GALNT2: variants seen among roughly 807,000 people sequenced by gnomAD.
GALNT2 encodes the protein polypeptide N-acetylgalactosaminyltransferase 2.
A neutral mutation model predicts 81.4 loss-of-function variants in GALNT2; 31 were observed. The observed-to-expected ratio is 0.38, with a 90% CI of 0.29 to 0.51. The LOEUF is 0.51. Among genes scored for constraint, GALNT2 ranks in the 20% least tolerant of loss-of-function variants. The pLI, the probability that GALNT2 is intolerant of heterozygous loss-of-function variation, is 0.87. For synonymous variants in GALNT2, 303 were observed against 287.4 expected, an observed-to-expected ratio of 1.05 and a Z score of -0.55; for missense variants, 629 against 765.7, an observed-to-expected ratio of 0.82 and a Z score of 2.11.
Position 230,235,011 on chromosome 1 carries a change from C to T in GALNT2, c.375-1003C>T, listed in dbSNP as rs370579397. Among the ~76,000 whole-genome samples, 46 of 151,948 alleles carry T rather than the reference C, an allele frequency of 3.0e-4. No individual in the cohort carries two copies. In the East Asian group the frequency reaches 7.4e-3, roughly 24 times the overall value. ...GGAGGATTGCTTGAAGCCAGGATTT[C>T]GAGACCAGCCTGAGCAACAGAGTGA... On this transcript the variant is annotated intron_variant, in intron 3 of 15. Coordinates refer to ENST00000366672, the MANE Select transcript of GALNT2 (RefSeq NM_004481.5).
intron 3 of GALNT2, among the ~76,000 whole-genome samples, chr1:230,231,234 T>C (rs998877274): frequency 2.6e-5 from 4 of 152,240 alleles, no homozygotes; most frequent in African/African-American, 9.6e-5. Context: ...AAAGTGACCT[T>C]GACAGTTTTC....
At chr1:230,143,648 C>T (rs551452883) in intron 1 of GALNT2, among the ~76,000 whole-genome samples, 20 of 152,352 alleles carry the variant, frequency 1.3e-4, no homozygotes, top group African/African-American at 4.8e-4. Flanking sequence ...TTGCTTTTCA[C>T]ATGGGAAAGT....
chr1:230,170,711 A>G (rs781412226), intron 1 of GALNT2, among the ~76,000 whole-genome samples: 11 of 152,214 alleles, frequency 7.2e-5, no homozygotes, highest in Admixed American at 1.3e-4. Flanking sequence ...GAAACTTTTC[A>G]TCATGGTAGA....
chr1:230,059,986 CAG>C (rs1659006834), intron 1 of GALNT2, among the ~76,000 whole-genome samples: 1 of 152,216 alleles, frequency 6.6e-6, no homozygotes, highest in Admixed American at 6.5e-5. Flanking sequence ...CATGGTATAT[CAG>C]ACTATGCTAT....
At chr1:230,249,459 T>C (rs540310570) in intron 9 of GALNT2, among the ~76,000 whole-genome samples, 188 bp downstream of exon 9, 1 of 152,240 alleles carries the variant, frequency 6.6e-6, no homozygotes, top group Non-Finnish European at 1.5e-5. Flanking sequence ...GGAGATTTCT[T>C]TTCCACAGTT....
chr1:230,118,190 G>C (rs1660904297), intron 1 of GALNT2, among the ~76,000 whole-genome samples: 1 of 152,166 alleles, frequency 6.6e-6, no homozygotes, highest in Admixed American at 6.5e-5. Flanking sequence ...TTTTAGCACT[G>C]AATACTGTTC....
intron 15 of GALNT2, among the ~76,000 whole-genome samples, chr1:230,276,819 C>A (rs185973103): frequency 1.3e-5 from 2 of 152,306 alleles, no homozygotes; most frequent in Non-Finnish European, 2.9e-5. Context: ...GGACCCAAAC[C>A]ACCTAGAAAT....
At chr1:230,229,701 A>G (rs1244597928) in intron 3 of GALNT2, among the ~76,000 whole-genome samples, 2 of 152,194 alleles carry the variant, frequency 1.3e-5, no homozygotes, top group Non-Finnish European at 2.9e-5. Flanking sequence ...CCTCCCTACA[A>G]TGGAAAGCAG....
chr1:230,273,734 G>A (rs554559554), intron 14 of GALNT2, among the ~76,000 whole-genome samples: 16 of 152,276 alleles, frequency 1.1e-4, no homozygotes, highest in Admixed American at 5.2e-4. Flanking sequence ...ACACTCTCTA[G>A]CTCAGTTTTC....
rs964487972 is a variant in GALNT2 at position 230,271,208 on chromosome 1, A to G, written c.1441-3237A>G. Among the ~76,000 whole-genome samples, 54 of 152,200 alleles carry G rather than the reference A, an allele frequency of 3.5e-4. No individual in the cohort carries two copies. Among genetic ancestry groups the G allele is most frequent in the African/African-American group, 1.2e-3 (51 of 41,442 alleles). On this transcript the variant is annotated intron_variant, in intron 14 of 15. Transcript: ENST00000366672. This position sits in a 1 kb window ranked among gnomAD's most constrained non-coding sequence, Gnocchi z 4.2. Reference sequence around the variant, plus strand: ...CCCCTGTGAGTGCAGGGACGGAACAATGTGCTTCTTCCTGGCCCTCTCCAT... The same window carrying G: ...CCCCTGTGAGTGCAGGGACGGAACAGTGTGCTTCTTCCTGGCCCTCTCCAT...
intron 11 of GALNT2, chr1:230,262,294 G>A (rs187489012): frequency 3.9e-4 from 158 of 403,190 alleles, no homozygotes; most frequent in Non-Finnish European, 5.7e-4. Context: ...ATATTGGCTC[G>A]TGCTGTAATT....
intron 1 of GALNT2, among the ~76,000 whole-genome samples, chr1:230,172,428 C>A (rs968872178): frequency 1.3e-5 from 2 of 152,214 alleles, no homozygotes; most frequent in Non-Finnish European, 2.9e-5. Context: ...TGGGCCAGAA[C>A]CATTCAGATT....
chr1:230,159,492 A>G (rs1251493926), intron 1 of GALNT2, among the ~76,000 whole-genome samples: 1 of 152,194 alleles, frequency 6.6e-6, no homozygotes, highest in Non-Finnish European at 1.5e-5. Flanking sequence ...GCTTAAAACT[A>G]AAGTCCGGTT....
intron 3 of GALNT2, among the ~76,000 whole-genome samples, chr1:230,215,241 A>T (rs1284282080): frequency 1.3e-5 from 2 of 152,184 alleles, no homozygotes; most frequent in Admixed American, 1.3e-4. Flanking sequence ...TGGCCTCCAC[A>T]GCTCCACAGC....
At chr1:230,208,917 G>C (rs867805022) in intron 3 of GALNT2, among the ~76,000 whole-genome samples, 5 of 152,056 alleles carry the variant, frequency 3.3e-5, no homozygotes, top group Non-Finnish European at 5.9e-5. Flanking sequence ...TTTACCACCA[G>C]GGCCCAATGA....
At chr1:230,113,225 G>T (rs748691541) in intron 1 of GALNT2, among the ~76,000 whole-genome samples, 5 of 152,148 alleles carry the variant, frequency 3.3e-5, no homozygotes, top group Non-Finnish European at 5.9e-5. Context: ...GACTTGCTCT[G>T]TGTGGTGCTG....
chr1:230,228,042 C>T lies in GALNT2; in HGVS notation c.375-7972C>T, dbSNP rs978514220. On this transcript the variant is annotated intron_variant, in intron 3 of 15. Coordinates refer to ENST00000366672, the MANE Select transcript of GALNT2 (RefSeq NM_004481.5). ...GAATACAGAGTCCACATACAAAAACCGGTATCAGTAACGGCCAATTCAAAA... is the reference window on the plus strand; with the variant it reads ...GAATACAGAGTCCACATACAAAAACTGGTATCAGTAACGGCCAATTCAAAA... 2.6e-5 allele frequency among the ~76,000 whole-genome samples: 4 copies of T among 151,994 alleles called. No individual in the cohort carries two copies. The South Asian group carries it at 6.2e-4, about 24-fold the overall frequency.
At position 230,279,440 on chromosome 1, in the gene GALNT2, G is replaced by A. The variant is rs570422060; in HGVS notation, c.1698G>A (p.Thr566=). The part of the protein sequence containing the change: ...GPALSQQWKF[T]LNLQQ ...CCCTTTCGCAGCAGTGGAAGTTCACGCTCAACCTGCAGCAGTAGGAGGGTC... is the reference window on the plus strand; with the variant it reads ...CCCTTTCGCAGCAGTGGAAGTTCACACTCAACCTGCAGCAGTAGGAGGGTC... The change falls in exon 16 of 16, where the codon ACG becomes ACA. Residue 566 remains threonine, a synonymous_variant. Transcript: ENST00000366672. This position sits in a 1 kb window ranked among gnomAD's most constrained non-coding sequence, Gnocchi z 4.6. 5.0e-6 allele frequency: 8 copies of A among 1,614,000 alleles called. No homozygotes were observed. The East Asian group carries it at 6.7e-5, about 13-fold the overall frequency.
At position 230,160,071 on chromosome 1, in the gene GALNT2, C is replaced by T. The variant is rs112232756; in HGVS notation, c.127-18147C>T. 5.9e-5 allele frequency among the ~76,000 whole-genome samples: 9 copies of T among 152,290 alleles called. No homozygotes were observed. In the South Asian group the frequency reaches 8.3e-4, roughly 14 times the overall value. On this transcript the variant is annotated intron_variant, in intron 1 of 15. Coordinates refer to ENST00000366672, the MANE Select transcript of GALNT2 (RefSeq NM_004481.5). ...CCTTAGTTTCTGCTCACTGATCAGA[C>T]GATTATCCTTCTCCAGGATGACCAC... is the stretch of plus-strand genomic sequence containing the variant.
Sources: allele counts gnomAD v4.1 joint callset (sites outside exome capture counted in the v4.1 genomes callset), GRCh38; gene constraint gnomAD v4.1.1; non-coding constraint Gnocchi (gnomAD v3.1); transcripts MANE v1.5; gene names NCBI Gene and HGNC (gene_info 2026-07-23, HGNC 2026-07-21).